The following ANAPC10 variants were observed in gnomAD, a reference collection of about 807,000 sequenced individuals.
ANAPC10 encodes the protein anaphase-promoting complex subunit 10.
Under a neutral mutation model 22.0 loss-of-function variants are expected in ANAPC10, and 12 were observed. The observed-to-expected ratio is 0.55, with a 90% confidence interval of 0.35 to 0.88. The LOEUF (loss-of-function observed/expected upper bound fraction) is 0.88, where lower values mean the gene tolerates loss of function less well. Among genes scored for constraint, ANAPC10 ranks in the 40% least tolerant of loss-of-function variants. The probability of loss-of-function intolerance (pLI) is 0.01; values close to 1 mark genes in which losing one functional copy is unlikely to be tolerated. For missense variants in ANAPC10, 188 were observed against 220.9 expected, an observed-to-expected ratio of 0.85 and a Z score of 0.94; for synonymous variants, 65 against 69.5, an observed-to-expected ratio of 0.94 and a Z score of 0.32.
chr4:145,055,582 A>T (rs1468739539), intron 4 of ANAPC10, among the ~76,000 whole-genome samples: 1 of 150,486 alleles, frequency 6.6e-6, no homozygotes, highest in African/African-American at 2.4e-5. Context: ...AAATTAAATA[A>T]AAAAAAAAGG....
intron 4 of ANAPC10, among the ~76,000 whole-genome samples, chr4:145,026,388 A>T (rs1273676632): frequency 6.6e-6 from 1 of 152,216 alleles, no homozygotes; most frequent in African/African-American, 2.4e-5. Context: ...ATAAGTGATT[A>T]CATAGCATAT....
chr4:145,094,996 AAATG>A (rs1217253694), intron 2 of ANAPC10, among the ~76,000 whole-genome samples: 7 of 152,208 alleles, frequency 4.6e-5, no homozygotes, highest in Non-Finnish European at 8.8e-5. Context: ...CAAAAAAAAT[AAATG>A]AATAACAACT....
chr4:145,051,421 G>C (rs1386986952), intron 4 of ANAPC10, among the ~76,000 whole-genome samples: 1 of 152,082 alleles, frequency 6.6e-6, no homozygotes, highest in Non-Finnish European at 1.5e-5. Flanking sequence ...TTGAAATATT[G>C]TGAGAATTAC....
At chr4:145,022,930 T>G (rs1736170794) in intron 4 of ANAPC10, among the ~76,000 whole-genome samples, 2 of 152,080 alleles carry the variant, frequency 1.3e-5, no homozygotes, top group African/African-American at 4.8e-5. Context: ...ACATGCAGGT[T>G]TGTTACATAT....
At chr4:145,037,365 TA>T (rs1738739085) in intron 4 of ANAPC10, among the ~76,000 whole-genome samples, 1 of 152,148 alleles carries the variant, frequency 6.6e-6, no homozygotes, top group Non-Finnish European at 1.5e-5. Context: ...TCTATTACCA[TA>T]ATTTTTTAAA....
At chr4:145,012,312 T>A (rs981530026) in intron 4 of ANAPC10, among the ~76,000 whole-genome samples, 2 of 151,642 alleles carry the variant, frequency 1.3e-5, no homozygotes, top group Non-Finnish European at 2.9e-5. Flanking sequence ...CACTTGAACA[T>A]GTTTTGAATA....
At chr4:145,088,566 A>C (rs1393037099) in intron 2 of ANAPC10, among the ~76,000 whole-genome samples, 2 of 152,080 alleles carry the variant, frequency 1.3e-5, no homozygotes, top group Admixed American at 6.5e-5. Context: ...TAATTATTCC[A>C]CCTCTAAAAA....
chr4:145,068,325 C>T (rs577019606), intron 3 of ANAPC10, among the ~76,000 whole-genome samples: 1 of 152,256 alleles, frequency 6.6e-6, no homozygotes, highest in East Asian at 1.9e-4. Flanking sequence ...TAGTAAAGCA[C>T]AGAGCCAGAA....
intron 4 of ANAPC10, among the ~76,000 whole-genome samples, chr4:145,007,535 G>A (rs956125262): frequency 7.2e-4 from 110 of 152,126 alleles, no homozygotes; most frequent in African/African-American, 2.4e-3. Context: ...ACTCAAAACC[G>A]CTCAACTACA....
intron 2 of ANAPC10, among the ~76,000 whole-genome samples, chr4:145,086,631 G>C (rs1281444640): frequency 6.6e-6 from 1 of 152,048 alleles, no homozygotes; most frequent in Non-Finnish European, 1.5e-5. Context: ...TCTCAATCAT[G>C]GCAGTACTGA....
intron 3 of ANAPC10, among the ~76,000 whole-genome samples, chr4:145,071,401 C>T (rs371515912): frequency 2.0e-5 from 3 of 151,768 alleles, no homozygotes; most frequent in Non-Finnish European, 2.9e-5. Context: ...AGTGAAACTC[C>T]GTCTCAAAAT....
chr4:145,027,119 T>C (rs1736881579), intron 4 of ANAPC10, among the ~76,000 whole-genome samples: 1 of 142,170 alleles, frequency 7.0e-6, no homozygotes, highest in Non-Finnish European at 1.5e-5. Context: ...TTCTCATGCC[T>C]CAGCCTCCCG....
intron 4 of ANAPC10, among the ~76,000 whole-genome samples, chr4:145,011,598 C>A (rs34152614): frequency 7.9e-5 from 12 of 151,974 alleles, no homozygotes; most frequent in African/African-American, 2.9e-4. Flanking sequence ...TTTGTTGATG[C>A]TGGTAAAGGG....
chr4:145,079,872 G>A (rs935998706), intron 3 of ANAPC10, among the ~76,000 whole-genome samples: 6 of 152,116 alleles, frequency 3.9e-5, no homozygotes, highest in Non-Finnish European at 7.4e-5. Context: ...CCAGCACTTT[G>A]GGAGGCCGAG....
chr4:145,095,529 C>T (rs1234858663), intron 2 of ANAPC10, among the ~76,000 whole-genome samples: 1 of 152,188 alleles, frequency 6.6e-6, no homozygotes, highest in African/African-American at 2.4e-5. Context: ...TCACCAGAAG[C>T]AGATGCTCCT....
intron 4 of ANAPC10, among the ~76,000 whole-genome samples, chr4:145,042,928 CAAAAT>C (rs1167437643): frequency 2.7e-5 from 4 of 149,982 alleles, no homozygotes; most frequent in Non-Finnish European, 3.0e-5. Context: ...AAAAAAAAAA[CAAAAT>C]AAAGTGTTTT....
intron 4 of ANAPC10, among the ~76,000 whole-genome samples, chr4:145,034,548 T>TATATATATATATATAC (rs1738196394): frequency 7.9e-6 from 1 of 126,746 alleles, no homozygotes; most frequent in Admixed American, 8.6e-5. Context: ...TATATATGTG[T>TATATATATATATATAC]GTGTGTGTGT....
At chr4:145,002,322 G>A (rs1046588000) in intron 4 of ANAPC10, among the ~76,000 whole-genome samples, 2 of 152,102 alleles carry the variant, frequency 1.3e-5, no homozygotes, top group Admixed American at 6.6e-5. Context: ...TAAGAAGAAA[G>A]ACAGACTCCA....
intron 4 of ANAPC10, among the ~76,000 whole-genome samples, chr4:145,054,604 AGTGTGTGTG>A (rs1387294462): frequency 7.8e-6 from 1 of 128,290 alleles, no homozygotes; most frequent in Admixed American, 7.7e-5. Flanking sequence ...CATACTGAAT[AGTGTGTGTG>A]TGTGTGTGTG....
Sources: allele counts gnomAD v4.1 joint callset (sites outside exome capture counted in the v4.1 genomes callset), GRCh38; gene constraint gnomAD v4.1.1; transcripts MANE v1.5; gene names NCBI Gene and HGNC (gene_info 2026-07-23, HGNC 2026-07-21).